Variants in ARAP2 observed in about 807,000 individuals in gnomAD.
ARAP2 encodes the protein ArfGAP with RhoGAP domain, ankyrin repeat and PH domain 2.
A neutral mutation model predicts 194.5 loss-of-function variants in ARAP2; 148 were observed. The observed-to-expected ratio is 0.76, with a 90% confidence interval of 0.67 to 0.87. ARAP2 has a LOEUF of 0.87. Among genes scored for constraint, ARAP2 ranks in the 40% least tolerant of loss-of-function variants. The pLI is 0.00. For synonymous variants in ARAP2, 695 were observed against 683.5 expected, an observed-to-expected ratio of 1.02 and a Z score of -0.26; for missense variants, 2,128 against 1,989.7, an observed-to-expected ratio of 1.07 and a Z score of -1.32.
intron 8 of ARAP2, among the ~76,000 whole-genome samples, chr4:36,015,179 C>G (rs1365026678): frequency 6.6e-6 from 1 of 152,082 alleles, no homozygotes; most frequent in African/African-American, 2.4e-5. Context: ...TTATTTCATT[C>G]TATTGATTTA....
At chr4:36,029,120 C>A (rs893208681) in intron 5 of ARAP2, among the ~76,000 whole-genome samples, 10 of 151,990 alleles carry the variant, frequency 6.6e-5, no homozygotes, top group Admixed American at 6.6e-4. Flanking sequence ...ACAATAAAAT[C>A]TACCTTATTG....
intron 19 of ARAP2, among the ~76,000 whole-genome samples, chr4:36,146,512 C>T (rs1490271081): frequency 6.6e-6 from 1 of 152,010 alleles, no homozygotes; most frequent in African/African-American, 2.4e-5. Context: ...AGCTTCCTTG[C>T]AGAACTTGGA....
intron 8 of ARAP2, among the ~76,000 whole-genome samples, chr4:36,180,829 A>G (rs1739069788): frequency 1.3e-5 from 2 of 152,276 alleles, no homozygotes; most frequent in Admixed American, 1.3e-4. Context: ...ACTAATAGGA[A>G]GTAAACAGTC....
intron 8 of ARAP2, among the ~76,000 whole-genome samples, chr4:36,013,912 G>A (rs1389418825): frequency 6.6e-6 from 1 of 152,068 alleles, no homozygotes; most frequent in Non-Finnish European, 1.5e-5. Context: ...ATCAAGAACA[G>A]TAGGAACTCA....
intron 32 of ARAP2, among the ~76,000 whole-genome samples, chr4:36,069,090 T>C (rs1726205398): frequency 6.6e-6 from 1 of 152,148 alleles, no homozygotes; most frequent in East Asian, 1.9e-4. Context: ...ACATAGGAAA[T>C]GATCAATAAA....
At chr4:36,151,355 T>C (rs1239028211) in intron 15 of ARAP2, among the ~76,000 whole-genome samples, 1 of 152,128 alleles carries the variant, frequency 6.6e-6, no homozygotes, top group Non-Finnish European at 1.5e-5. Flanking sequence ...AAAATGTCTG[T>C]AGAGTATTAA....
At chr4:36,064,804 C>A (rs1433973105), downstream of ARAP2, among the ~76,000 whole-genome samples, 1 of 152,212 alleles carries the variant, frequency 6.6e-6, no homozygotes. Context: ...CCTCTTGGGT[C>A]ACTGCCTCTG....
intron 21 of ARAP2, among the ~76,000 whole-genome samples, chr4:36,125,241 T>C (rs1232794718): frequency 6.6e-6 from 1 of 152,014 alleles, no homozygotes; most frequent in Non-Finnish European, 1.5e-5. Flanking sequence ...GGTGGGATTA[T>C]ATTTTTTTAT....
chr4:36,242,502 G>C (rs1753711360), intron 1 of ARAP2, among the ~76,000 whole-genome samples: 1 of 152,166 alleles, frequency 6.6e-6, no homozygotes, highest in East Asian at 1.9e-4. Context: ...ATATCATGAA[G>C]TCTATAACCC....
At chr4:36,201,095 T>C (rs1038540482) in intron 6 of ARAP2, among the ~76,000 whole-genome samples, 2 of 152,206 alleles carry the variant, frequency 1.3e-5, no homozygotes, top group Non-Finnish European at 2.9e-5. Context: ...AGCAAACACA[T>C]AGTCCTTTTT....
At chr4:36,117,754 T>C (rs1340926965) in intron 24 of ARAP2, among the ~76,000 whole-genome samples, 1 of 151,580 alleles carries the variant, frequency 6.6e-6, no homozygotes, top group Non-Finnish European at 1.5e-5. Context: ...TTTTTAATTA[T>C]CTTTGGCCAA....
At chr4:36,128,947 T>C (rs1175419013) in intron 20 of ARAP2, among the ~76,000 whole-genome samples, 2 of 151,994 alleles carry the variant, frequency 1.3e-5, no homozygotes, top group African/African-American at 4.8e-5. Context: ...GAGCAAATCA[T>C]TGCAGCCTCA....
chr4:36,039,075 TAA>T lies in ARAP2; in HGVS notation n.607+6902_607+6903del, dbSNP rs548327875. 2.1e-4 allele frequency among the ~76,000 whole-genome samples: 32 copies of T among 152,064 alleles called. 1 individual carries two copies. The South Asian group carries it at 6.7e-3, about 32-fold the overall frequency. ...GACAAGGAAAAATCAGGTGAAGGAG[TAA>T]AAGGAGAATTCGGATATTTGTCAAG... On this transcript the variant is annotated intron_variant and non_coding_transcript_variant, in intron 5 of 12. Coordinates refer to the ARAP2 transcript ENST00000503225.
Position 36,135,235 on chromosome 4 carries a change from C to T in ARAP2, c.3264-1846G>A, listed in dbSNP as rs1056838178. Among the ~76,000 whole-genome samples, 4 of 151,726 alleles carry T rather than the reference C, an allele frequency of 2.6e-5. 1 individual carries two copies. The highest frequency in any genetic ancestry group is 6.6e-5 in the Admixed American group (1 of 15,158). On this transcript the variant is annotated intron_variant, in intron 19 of 32. Coordinates refer to ENST00000303965, the MANE Select transcript of ARAP2 (RefSeq NM_015230.4). ...TGAATAAACCGCATGAATTCTGGGG[C>T]TTTGGGGGCCAGGTGTGGGTAATAA...
chr4:36,102,979 A>G (rs1258583500), intron 27 of ARAP2, among the ~76,000 whole-genome samples: 1 of 151,862 alleles, frequency 6.6e-6, no homozygotes, highest in Non-Finnish European at 1.5e-5. Flanking sequence ...TACTTTTAAT[A>G]TCTTGTACAT....
chr4:36,072,050 A>T (rs1345433309), intron 32 of ARAP2, among the ~76,000 whole-genome samples: 2 of 152,096 alleles, frequency 1.3e-5, no homozygotes, highest in Admixed American at 6.6e-5. Flanking sequence ...TATATTTTTT[A>T]AAATTTTTAT....
At chr4:36,051,917 T>C (rs561863330) in intron 3 of ARAP2, 2 of 152,340 alleles carry the variant, frequency 1.3e-5, no homozygotes, top group Admixed American at 6.5e-5. Context: ...AGCCAATCTA[T>C]ATGTTAAATA....
At chr4:36,057,989 G>A (rs949303194) in exon 2 of ARAP2, 8 of 151,296 alleles carry the variant, frequency 5.3e-5, no homozygotes. Flanking sequence ...TTCTGGCAAA[G>A]AGGAGGCTGA....
At chr4:36,095,451 A>G (rs1394218243) in intron 27 of ARAP2, among the ~76,000 whole-genome samples, 3 of 152,186 alleles carry the variant, frequency 2.0e-5, no homozygotes, top group African/African-American at 4.8e-5. Flanking sequence ...AAAAATTAGT[A>G]AGTGATAGAA....
Sources: allele counts gnomAD v4.1 joint callset (sites outside exome capture counted in the v4.1 genomes callset), GRCh38; gene constraint gnomAD v4.1.1; transcripts MANE v1.5; gene names NCBI Gene and HGNC (gene_info 2026-07-23, HGNC 2026-07-21).